The following MTMR8 variants were observed in gnomAD, a reference collection of about 807,000 sequenced individuals.
MTMR8 encodes myotubularin related protein 8, also known as phosphatidylinositol-3,5-bisphosphate 3-phosphatase MTMR8.
Under a neutral mutation model 39.3 loss-of-function variants are expected in MTMR8, and 65 were observed. That is an observed-to-expected ratio of 1.65 (90% confidence interval 1.35 to 2.03). The LOEUF (loss-of-function observed/expected upper bound fraction) is 2.03. Among genes scored for constraint, MTMR8 ranks in the 30% most tolerant of loss-of-function variants. The pLI is 0.00. For missense variants in MTMR8, 777 were observed against 538.9 expected (o/e 1.44, Z -4.37); for synonymous variants, 245 against 185.2 (o/e 1.32, Z -2.62).
chrX:64,280,972 C>T (rs1008090094), intron 12 of MTMR8, among the ~76,000 whole-genome samples: 3 of 110,755 alleles, frequency 2.7e-5, no homozygotes, highest in Non-Finnish European at 5.7e-5. Context: ...AATACAATTC[C>T]TAGGAATACA....
chrX:64,348,104 A>G (rs1359210992), intron 6 of MTMR8, among the ~76,000 whole-genome samples: 1 of 111,710 alleles, frequency 9.0e-6, no homozygotes, highest in Non-Finnish European at 1.9e-5. Context: ...AAACCGGCAA[A>G]AATTTAATCA....
intron 12 of MTMR8, among the ~76,000 whole-genome samples, chrX:64,326,163 CT>C (rs1466666396): frequency 2.7e-5 from 3 of 111,448 alleles, no homozygotes; most frequent in African/African-American, 9.8e-5. Flanking sequence ...TCTTTATCAT[CT>C]TTGTGTTGAG....
At chrX:64,377,277 C>T (rs1186731344) in intron 1 of MTMR8, among the ~76,000 whole-genome samples, 1 of 111,968 alleles carries the variant, frequency 8.9e-6, no homozygotes, top group African/African-American at 3.2e-5. Flanking sequence ...CACCATCCTC[C>T]AGACCCCAGA....
chrX:64,283,818 A>G (rs1467621580), intron 12 of MTMR8, among the ~76,000 whole-genome samples: 1 of 112,397 alleles, frequency 8.9e-6, no homozygotes, highest in Non-Finnish European at 1.9e-5. Flanking sequence ...ACAAAACCCC[A>G]TCTGTATGTC....
At chrX:64,300,508 G>A (rs1486077281) in intron 12 of MTMR8, among the ~76,000 whole-genome samples, 1 of 109,538 alleles carries the variant, frequency 9.1e-6, no homozygotes. Flanking sequence ...ACAGCACACT[G>A]ATGGGTCTTG....
At chrX:64,303,885 C>T (rs1474659011) in intron 12 of MTMR8, among the ~76,000 whole-genome samples, 3 of 112,210 alleles carry the variant, frequency 2.7e-5, no homozygotes, top group Non-Finnish European at 5.6e-5. Context: ...TGTAAATTTA[C>T]CTCATGCAAA....
At chrX:64,295,207 C>T (rs905250319) in intron 12 of MTMR8, among the ~76,000 whole-genome samples, 1 of 109,827 alleles carries the variant, frequency 9.1e-6, no homozygotes, top group Non-Finnish European at 1.9e-5. Context: ...CCCGTAAGTG[C>T]ACCTGAATAA....
At chrX:64,274,974 G>T (rs1433109096) in intron 12 of MTMR8, among the ~76,000 whole-genome samples, 1 of 111,390 alleles carries the variant, frequency 9.0e-6, no homozygotes, top group Non-Finnish European at 1.9e-5. Flanking sequence ...GACTTTTTGA[G>T]GTCTTCTGCC....
intron 12 of MTMR8, among the ~76,000 whole-genome samples, chrX:64,286,286 A>G (rs1409292167): frequency 8.9e-6 from 1 of 112,177 alleles, no homozygotes; most frequent in East Asian, 2.8e-4. Flanking sequence ...GAAGATGTTG[A>G]CCAATAACAG....
At chrX:64,288,525 C>T (rs1252068749) in intron 12 of MTMR8, among the ~76,000 whole-genome samples, 4 of 111,609 alleles carry the variant, frequency 3.6e-5, no homozygotes, top group African/African-American at 1.3e-4. Flanking sequence ...TGGGTATATA[C>T]CCAAAGGAAT....
intron 1 of MTMR8, among the ~76,000 whole-genome samples, chrX:64,383,563 A>T (rs1440769740): frequency 1.8e-5 from 2 of 109,934 alleles, no homozygotes; most frequent in Non-Finnish European, 3.8e-5. Context: ...GCCTCAGGAA[A>T]CTCACAATCA....
At chrX:64,297,797 T>A (rs1921674511) in intron 12 of MTMR8, among the ~76,000 whole-genome samples, 1 of 111,459 alleles carries the variant, frequency 9.0e-6, no homozygotes, top group Non-Finnish European at 1.9e-5. Flanking sequence ...GCTTTCTACA[T>A]ATGACTAGAC....
At chrX:64,370,594 T>C (rs1924104075) in intron 1 of MTMR8, among the ~76,000 whole-genome samples, 1 of 111,969 alleles carries the variant, frequency 8.9e-6, no homozygotes, top group South Asian at 3.7e-4. Flanking sequence ...GATATTCATT[T>C]ATCTACTGAG....
At chrX:64,387,916 G>T (rs1924604211) in intron 1 of MTMR8, among the ~76,000 whole-genome samples, 1 of 110,564 alleles carries the variant, frequency 9.0e-6, no homozygotes, top group African/African-American at 3.3e-5. Context: ...ACTAGGTACG[G>T]TACAGATTTT....
intron 8 of MTMR8, among the ~76,000 whole-genome samples, chrX:64,338,359 A>T (rs1923130297): frequency 8.9e-6 from 1 of 112,605 alleles, no homozygotes; most frequent in South Asian, 3.7e-4. Context: ...TAACAAAGGC[A>T]CAAAAGATAA....
chrX:64,287,636 G>A (rs1484266542), intron 12 of MTMR8, among the ~76,000 whole-genome samples: 1 of 110,204 alleles, frequency 9.1e-6, no homozygotes, highest in East Asian at 2.9e-4. Context: ...CAATGGAACA[G>A]AACAGAGCCC....
At chrX:64,285,581 C>A (rs1298276113) in intron 12 of MTMR8, among the ~76,000 whole-genome samples, 1 of 111,925 alleles carries the variant, frequency 8.9e-6, no homozygotes, top group African/African-American at 3.3e-5. Flanking sequence ...AAGTAAAACA[C>A]TCCTCAGCAA....
intron 13 of MTMR8, among the ~76,000 whole-genome samples, chrX:64,269,951 TTCTC>T (rs1196538921): frequency 9.0e-6 from 1 of 111,491 alleles, no homozygotes; most frequent in Non-Finnish European, 1.9e-5. Context: ...ATGAATCTGA[TTCTC>T]TCTCAAGAGT....
At chrX:64,300,201 A>C (rs1921802439) in intron 12 of MTMR8, among the ~76,000 whole-genome samples, 1 of 107,921 alleles carries the variant, frequency 9.3e-6, no homozygotes, top group Admixed American at 1.0e-4. Context: ...CCCATTATTA[A>C]TGTGTGGGAG....
Sources: gnomAD v4.1 joint callset for allele counts (sites outside exome capture counted in the v4.1 genomes callset) on GRCh38, gnomAD v4.1.1 for gene constraint, MANE v1.5 for transcripts, NCBI Gene and HGNC (gene_info 2026-07-23, HGNC 2026-07-21) for gene names.